The following MPHOSPH9 variants were observed in gnomAD, a reference collection of about 807,000 sequenced individuals.
The protein encoded by MPHOSPH9 is M-phase phosphoprotein 9.
Under a neutral mutation model 145.5 loss-of-function variants are expected in MPHOSPH9, and 88 were observed. The ratio of observed to expected loss-of-function variants is 0.60; its 90% CI spans 0.51 to 0.72. The LOEUF is 0.72. MPHOSPH9 is among the 30% of genes least tolerant of loss of function. The pLI is 0.00. For missense variants in MPHOSPH9, 1,238 were observed against 1,386.6 expected, an observed-to-expected ratio of 0.89 and a Z score of 1.70; for synonymous variants, 435 against 486.2, an observed-to-expected ratio of 0.89 and a Z score of 1.39.
chr12:123,222,999 T>C, intron 4 of MPHOSPH9, 39 bp downstream of exon 4: 3 of 1,069,470 alleles, frequency 2.8e-6, no homozygotes, highest in Non-Finnish European at 4.0e-6. Flanking sequence ...CGTATGTATA[T>C]GTATATAAAA....
chr12:123,173,454 A>T (rs2044681198), intron 16 of MPHOSPH9, among the ~76,000 whole-genome samples: 1 of 152,162 alleles, frequency 6.6e-6, no homozygotes, highest in Non-Finnish European at 1.5e-5. Flanking sequence ...TATGGGTCAT[A>T]AGACTCTTGT....
At chr12:123,235,038 G>C (rs4759409), upstream of MPHOSPH9, among the ~76,000 whole-genome samples, 97,205 of 152,146 alleles carry the variant, frequency 0.64, 35,510 homozygotes, top group East Asian at 1. Flanking sequence ...AACAAAGGCC[G>C]ATGAAATAAT....
chr12:123,241,794 C>G (rs563129649), intron 1 of MPHOSPH9, among the ~76,000 whole-genome samples: 2 of 152,326 alleles, frequency 1.3e-5, no homozygotes, highest in Admixed American at 1.3e-4. Flanking sequence ...CAGAGTTGAA[C>G]ATGCCATCCC....
intron 1 of MPHOSPH9, 49 bp downstream of exon 1, chr12:123,233,026 C>T (rs2047738979): frequency 6.6e-6 from 1 of 152,322 alleles, no homozygotes. Context: ...TAAGTCTCGT[C>T]TCCTGTCCCC....
At chr12:123,183,341 A>C (rs542701105) in intron 13 of MPHOSPH9, among the ~76,000 whole-genome samples, 4 of 151,934 alleles carry the variant, frequency 2.6e-5, no homozygotes, top group Admixed American at 6.6e-5. Flanking sequence ...TGAGGTCAGG[A>C]GTTCAAGACC....
chr12:123,157,967 T>C (rs545288293), intron 23 of MPHOSPH9, among the ~76,000 whole-genome samples: 237 of 152,242 alleles, frequency 1.6e-3, no homozygotes, highest in African/African-American at 5.5e-3. Flanking sequence ...TACATATATA[T>C]GCATACCACT....
At chr12:123,164,889 AT>A (rs1320332291) in intron 18 of MPHOSPH9, among the ~76,000 whole-genome samples, 1 of 151,994 alleles carries the variant, frequency 6.6e-6, no homozygotes, top group Non-Finnish European at 1.5e-5. Context: ...GGCACCTGTA[AT>A]TCTAGGTACT....
In MPHOSPH9 at chr12:123,154,717, T is replaced by G. The variant is rs1476873565; in HGVS notation, c.*2090A>C. On this transcript the variant is annotated 3_prime_UTR_variant, in exon 24 of 24. Transcript: ENST00000606320. ...AATATCCTAACAATTTTCAAGTTAGTTTTTAATGTCATATCCAGGAACACA... is the reference window on the plus strand; with the variant it reads ...AATATCCTAACAATTTTCAAGTTAGGTTTTAATGTCATATCCAGGAACACA... 1 of 152,178 alleles carries G rather than the reference T, an allele frequency of 6.6e-6. No individual in the cohort carries two copies. The highest frequency in any genetic ancestry group is 1.5e-5 in the Non-Finnish European group (1 of 68,034). The allele number at this position is 152,178 out of a possible 1,614,324, so 9.4% of individuals were successfully genotyped here.
chr12:123,214,355 A>G (rs369597173), intron 7 of MPHOSPH9, among the ~76,000 whole-genome samples: 13 of 152,088 alleles, frequency 8.5e-5, no homozygotes, highest in African/African-American at 3.1e-4. Context: ...CTGAGGCAAC[A>G]TGGCGAAACC....
At chr12:123,169,879 G>A (rs780021005) in intron 16 of MPHOSPH9, among the ~76,000 whole-genome samples, 3 of 151,646 alleles carry the variant, frequency 2.0e-5, no homozygotes. Context: ...TGTGAGCCAC[G>A]TGCCCAGCCC....
chr12:123,184,250 C>A (rs899162480), intron 13 of MPHOSPH9, among the ~76,000 whole-genome samples: 4 of 151,780 alleles, frequency 2.6e-5, no homozygotes, highest in Non-Finnish European at 4.4e-5. Flanking sequence ...AAAAAGGTGA[C>A]CTCCCCCTCC....
intron 12 of MPHOSPH9, among the ~76,000 whole-genome samples, chr12:123,197,751 C>A (rs542429722): frequency 6.8e-6 from 1 of 146,970 alleles, no homozygotes; most frequent in Non-Finnish European, 1.5e-5. Context: ...AACTGCACTA[C>A]AGCCTGGGCG....
At chr12:123,222,980 G>A (rs2047273937) in intron 4 of MPHOSPH9, 58 bp downstream of exon 4, 2 of 781,886 alleles carry the variant, frequency 2.6e-6, no homozygotes, top group Non-Finnish European at 4.0e-6. Flanking sequence ...GTGTGTGTGT[G>A]TATATGTACG....
rs1009266020 is a variant in MPHOSPH9, at chr12:123,226,037, A to G, written c.258+1426T>C. On this transcript the variant is annotated intron_variant, in intron 3 of 23. Transcript: ENST00000606320. Reference sequence around the variant, plus strand: ...GGCAACAGAGCAAGACTCTGTCTCAAAAACAAACAAACAAATAAACAAAAA... The same window carrying G: ...GGCAACAGAGCAAGACTCTGTCTCAGAAACAAACAAACAAATAAACAAAAA... Among the ~76,000 whole-genome samples, 28 of 152,232 alleles carry G rather than the reference A, an allele frequency of 1.8e-4. 1 individual carries two copies. Among genetic ancestry groups the G allele is most frequent in the Admixed American group, 1.8e-3 (28 of 15,274 alleles).
intron 13 of MPHOSPH9, among the ~76,000 whole-genome samples, chr12:123,193,088 A>T (rs1160740575): frequency 2.6e-4 from 19 of 72,018 alleles, no homozygotes; most frequent in African/African-American, 6.8e-4. Context: ...AAAAAAAAAA[A>T]AAAAAAAAAT....
rs55831766 is a variant in MPHOSPH9, at chr12:123,192,628, CAAAAAAAAAAAA to C, written c.2241+1746_2241+1757del. ...TGGGCAACAGAGTGAGACACCGTCTCAAAAAAAAAAAAAAAAAAAAAAAAAAAAACAGAGAGA... is the reference window on the plus strand; with the variant it reads ...TGGGCAACAGAGTGAGACACCGTCTCAAAAAAAAAAAAAAAAACAGAGAGA... On this transcript the variant is annotated intron_variant, in intron 13 of 23. Transcript: ENST00000606320. Among the ~76,000 whole-genome samples, 83 of 49,380 alleles carry C rather than the reference CAAAAAAAAAAAA, an allele frequency of 1.7e-3. 3 individuals carry two copies. The Admixed American group carries it at 0.019, about 11-fold the overall frequency. The allele number at this position is 49,380 out of a possible 152,430, so 32.4% of individuals were successfully genotyped here.
chr12:123,198,047 G>A (rs11610710), intron 12 of MPHOSPH9, among the ~76,000 whole-genome samples, 200 bp downstream of exon 12: 82,191 of 150,432 alleles, frequency 0.55, 26,925 homozygotes, highest in Non-Finnish European at 0.71. Context: ...CCGCGCCACT[G>A]CACTCCAGCC....
intron 8 of MPHOSPH9, among the ~76,000 whole-genome samples, chr12:123,204,423 T>C (rs193159505): frequency 3.7e-4 from 57 of 152,286 alleles, no homozygotes; most frequent in Admixed American, 2.0e-3. Flanking sequence ...GTTCCTTATC[T>C]ATGTAGTTAC....
chr12:123,209,737 G>GTTTT (rs531113020), intron 8 of MPHOSPH9, among the ~76,000 whole-genome samples: 4 of 123,676 alleles, frequency 3.2e-5, no homozygotes, highest in Admixed American at 9.3e-5. Context: ...TTGTTTTGTT[G>GTTTT]TTTTTTTTTT....
Sources: allele counts gnomAD v4.1 joint callset (sites outside exome capture counted in the v4.1 genomes callset), GRCh38; gene constraint gnomAD v4.1.1; transcripts MANE v1.5; gene names NCBI Gene and HGNC (gene_info 2026-07-23, HGNC 2026-07-21).